Variants in SH3BGRL observed in about 807,000 individuals in gnomAD.
SH3BGRL encodes SH3 domain binding glutamate rich protein like, also known as adapter SH3BGRL.
Under a neutral mutation model 9.8 loss-of-function variants are expected in SH3BGRL, and 7 were observed. The ratio of observed to expected loss-of-function variants is 0.72; its 90% CI spans 0.41 to 1.35. The LOEUF (loss-of-function observed/expected upper bound fraction) is 1.35, where lower values mean the gene tolerates loss of function less well. Among genes scored for constraint, SH3BGRL ranks in the 40% most tolerant of loss-of-function variants. The pLI is 0.01. For synonymous variants in SH3BGRL, 36 were observed against 29.1 expected, an observed-to-expected ratio of 1.24 and a Z score of -0.76; for missense variants, 73 against 84.4, an observed-to-expected ratio of 0.86 and a Z score of 0.53.
chrX:81,235,031 T>A (rs2075643619), intron 1 of SH3BGRL, among the ~76,000 whole-genome samples: 1 of 111,667 alleles, frequency 9.0e-6, no homozygotes, highest in African/African-American at 3.2e-5. Flanking sequence ...TTGAGTAGAT[T>A]ACTTACCTTT....
chrX:81,295,968 C>A (rs1052785451), intron 3 of SH3BGRL, among the ~76,000 whole-genome samples: 1 of 111,195 alleles, frequency 9.0e-6, no homozygotes, highest in African/African-American at 3.3e-5. Flanking sequence ...CCCCTGGTAC[C>A]AATTTTATGT....
At chrX:81,274,113 A>G (rs1338378733) in intron 1 of SH3BGRL, among the ~76,000 whole-genome samples, 1 of 111,847 alleles carries the variant, frequency 8.9e-6, no homozygotes. Context: ...AGTCATTTTT[A>G]TCCTGGAAGA....
chrX:81,278,546 T>G, intron 3 of SH3BGRL, 135 bp downstream of exon 3: 1 of 442,901 alleles, frequency 2.3e-6, no homozygotes. Flanking sequence ...GTGCCTTCTC[T>G]GCATCCACTT....
At chrX:81,295,565 GACTAAT>G (rs2075871822) in intron 3 of SH3BGRL, among the ~76,000 whole-genome samples, 1 of 111,162 alleles carries the variant, frequency 9.0e-6, no homozygotes. Flanking sequence ...CATGAAAACA[GACTAAT>G]ACAGCCACAT....
chrX:81,289,271 C>T (rs993907751), intron 3 of SH3BGRL, among the ~76,000 whole-genome samples: 1 of 111,736 alleles, frequency 8.9e-6, no homozygotes, highest in Non-Finnish European at 1.9e-5. Context: ...ATACAAAAAC[C>T]ATTTCACAAT....
intron 1 of SH3BGRL, among the ~76,000 whole-genome samples, chrX:81,244,500 C>T (rs2075681750): frequency 9.0e-6 from 1 of 111,603 alleles, no homozygotes. Flanking sequence ...GAATTGTTTG[C>T]TTTCTCAAAC....
At chrX:81,291,717 A>ATT (rs2075858531) in intron 3 of SH3BGRL, among the ~76,000 whole-genome samples, 1 of 112,288 alleles carries the variant, frequency 8.9e-6, no homozygotes, top group Non-Finnish European at 1.9e-5. Context: ...CTGTAAAATA[A>ATT]AAAGAAGTTA....
chrX:81,244,756 C>G (rs901383789), intron 1 of SH3BGRL, among the ~76,000 whole-genome samples: 3 of 111,317 alleles, frequency 2.7e-5, no homozygotes, highest in Non-Finnish European at 5.7e-5. Context: ...CCCATCAACC[C>G]GTCATCTACA....
chrX:81,261,894 TA>T (rs1488229483), intron 1 of SH3BGRL, among the ~76,000 whole-genome samples: 1 of 111,378 alleles, frequency 9.0e-6, no homozygotes, highest in Non-Finnish European at 1.9e-5. Context: ...AAAACATAAG[TA>T]AACACCACTA....
At chrX:81,296,281 T>C (rs947798831) in intron 3 of SH3BGRL, among the ~76,000 whole-genome samples, 3 of 110,971 alleles carry the variant, frequency 2.7e-5, no homozygotes, top group Non-Finnish European at 5.7e-5. Context: ...CCTCCAACAC[T>C]GGGAATTGCA....
At chrX:81,271,021 A>C (rs1206503620) in intron 1 of SH3BGRL, among the ~76,000 whole-genome samples, 1 of 112,309 alleles carries the variant, frequency 8.9e-6, no homozygotes, top group African/African-American at 3.2e-5. Flanking sequence ...ACTAGCAGTG[A>C]GCAAGGCTCC....
At chrX:81,261,404 G>T (rs985817074) in intron 1 of SH3BGRL, among the ~76,000 whole-genome samples, 2 of 111,127 alleles carry the variant, frequency 1.8e-5, no homozygotes, top group African/African-American at 6.5e-5. Context: ...ATTATAAGAA[G>T]ACAGTATCTG....
At chrX:81,279,375 C>G (rs1047522660) in intron 3 of SH3BGRL, among the ~76,000 whole-genome samples, 11 of 111,286 alleles carry the variant, frequency 9.9e-5, no homozygotes, top group Admixed American at 6.7e-4. Context: ...AGAGCAGCAT[C>G]TGGAGGCTTG....
At chrX:81,293,510 C>A (rs2075864688) in intron 3 of SH3BGRL, among the ~76,000 whole-genome samples, 1 of 111,621 alleles carries the variant, frequency 9.0e-6, no homozygotes, top group Non-Finnish European at 1.9e-5. Context: ...TGCTGAAACC[C>A]TGTCTCTACT....
intron 1 of SH3BGRL, among the ~76,000 whole-genome samples, chrX:81,227,456 G>C (rs1262269714): frequency 1.3e-4 from 14 of 111,806 alleles, no homozygotes; most frequent in African/African-American, 4.2e-4. Flanking sequence ...CAGGGGGCCT[G>C]TCTCATCACT....
At chrX:81,247,674 A>G (rs1037062119) in intron 1 of SH3BGRL, among the ~76,000 whole-genome samples, 1 of 111,410 alleles carries the variant, frequency 9.0e-6, no homozygotes, top group African/African-American at 3.3e-5. Flanking sequence ...ATTGTGGTGC[A>G]TTAACTTTCT....
At chrX:81,280,446 G>C (rs2075812691) in intron 3 of SH3BGRL, among the ~76,000 whole-genome samples, 1 of 111,835 alleles carries the variant, frequency 8.9e-6, no homozygotes, top group South Asian at 3.7e-4. Flanking sequence ...CACCAGACCA[G>C]GCACTGGTAT....
At chrX:81,265,908 G>A (rs2075755662) in intron 1 of SH3BGRL, among the ~76,000 whole-genome samples, 1 of 110,786 alleles carries the variant, frequency 9.0e-6, no homozygotes, top group African/African-American at 3.3e-5. Flanking sequence ...ATTCTAACTG[G>A]CGATCTCGTG....
At position 81,260,791 on chromosome X, in the gene SH3BGRL, T is replaced by A. The variant is rs757988041; in HGVS notation, c.46-16193T>A. 3.3e-4 allele frequency among the ~76,000 whole-genome samples: 37 copies of A among 111,389 alleles called. 1 individual carries two copies. Among genetic ancestry groups the A allele is most frequent in the Admixed American group, 7.7e-4 (8 of 10,418 alleles). Reference sequence around the variant, plus strand: ...TACATCAGGGTAAGAACAGTGGCCATTAGGCTCAATGTGTACTCAGGGACT... The same window carrying A: ...TACATCAGGGTAAGAACAGTGGCCAATAGGCTCAATGTGTACTCAGGGACT... On this transcript the variant is annotated intron_variant, in intron 1 of 3. Transcript: ENST00000373212.
Sources: allele counts gnomAD v4.1 joint callset (sites outside exome capture counted in the v4.1 genomes callset), GRCh38; gene constraint gnomAD v4.1.1; transcripts MANE v1.5; gene names NCBI Gene and HGNC (gene_info 2026-07-23, HGNC 2026-07-21).